ARHGAP28: variants seen among roughly 807,000 people sequenced by gnomAD.
The protein encoded by ARHGAP28 is rho GTPase-activating protein 28.
Under a neutral mutation model 90.7 loss-of-function variants are expected in ARHGAP28, and 56 were observed. The ratio of observed to expected loss-of-function variants is 0.62; its 90% CI spans 0.50 to 0.77. The LOEUF (loss-of-function observed/expected upper bound fraction) is 0.77. Among genes scored for constraint, ARHGAP28 ranks in the 30% least tolerant of loss-of-function variants. ARHGAP28 has a pLI of 0.00. For synonymous variants in ARHGAP28, 308 were observed against 323.3 expected (o/e 0.95, Z 0.51); for missense variants, 869 against 900.9 (o/e 0.96, Z 0.45).
At chr18:6,779,166 A>G (rs2143466325) in intron 1 of ARHGAP28, 1 of 152,324 alleles carries the variant, frequency 6.6e-6, no homozygotes. Flanking sequence ...TTCATAGGCC[A>G]TTATACATAT....
chr18:6,880,565 T>C (rs2057169676), intron 10 of ARHGAP28, among the ~76,000 whole-genome samples: 1 of 152,232 alleles, frequency 6.6e-6, no homozygotes, highest in Non-Finnish European at 1.5e-5. Context: ...GCTAGTCCCC[T>C]TAGCACTGGC....
chr18:6,873,431 G>T lies in ARHGAP28; in HGVS notation c.977G>T (p.Arg326Ile), dbSNP rs1441860859. The stretch of plus-strand genomic sequence containing the variant: ...TAGAAATTTAATGTTCAGAAAACCA[G>T]ATTTGGCTTAACTGAAGCAGGAGAT... ...VLTKFNVQKT[R>I]FGLTEAGDLS... The change falls in exon 8 of 18, where the codon AGA becomes ATA. Residue 326 changes from arginine to isoleucine, a missense_variant. Coordinates refer to ENST00000383472, the MANE Select transcript of ARHGAP28 (RefSeq NM_001366230.1). The T allele has an allele frequency of 6.2e-7, 1 of 1,607,970 alleles. No homozygotes were observed.
intron 3 of ARHGAP28, among the ~76,000 whole-genome samples, chr18:6,841,202 T>TCTCTCTCC (rs1567966823): frequency 2.1e-5 from 1 of 47,370 alleles, no homozygotes; most frequent in African/African-American, 1.1e-4. Flanking sequence ...TCTCTCTCTC[T>TCTCTCTCC]CCTCTCCTCT....
intron 1 of ARHGAP28, among the ~76,000 whole-genome samples, chr18:6,760,191 C>T (rs1212170783): frequency 6.6e-6 from 1 of 152,120 alleles, no homozygotes; most frequent in Non-Finnish European, 1.5e-5. Flanking sequence ...AAACATTGGG[C>T]CACTTTAAAA....
intron 1 of ARHGAP28, among the ~76,000 whole-genome samples, chr18:6,805,472 C>A (rs997348900): frequency 1.4e-5 from 2 of 142,740 alleles, no homozygotes; most frequent in Non-Finnish European, 3.1e-5. Flanking sequence ...GGTCTGATAA[C>A]CTTTGCCTTT....
chr18:6,896,249 T>C (rs973480521), intron 15 of ARHGAP28, among the ~76,000 whole-genome samples: 1 of 152,202 alleles, frequency 6.6e-6, no homozygotes, highest in African/African-American at 2.4e-5. Context: ...AACCCAGTTT[T>C]TCCCCCTTAA....
intron 1 of ARHGAP28, among the ~76,000 whole-genome samples, chr18:6,766,499 T>C (rs2056200879): frequency 6.6e-6 from 1 of 152,172 alleles, no homozygotes; most frequent in Admixed American, 6.5e-5. Flanking sequence ...GTAGTGGCTC[T>C]GCTCTCCCCA....
At chr18:6,733,723 C>G (rs1047026787) in intron 1 of ARHGAP28, among the ~76,000 whole-genome samples, 1 of 152,156 alleles carries the variant, frequency 6.6e-6, no homozygotes, top group Admixed American at 6.5e-5. Flanking sequence ...GGCATACAAA[C>G]TTTTAAGTAG....
At chr18:6,775,893 C>T (rs1337750748) in intron 1 of ARHGAP28, among the ~76,000 whole-genome samples, 1 of 152,022 alleles carries the variant, frequency 6.6e-6, no homozygotes, top group Non-Finnish European at 1.5e-5. Context: ...ATCAGCTGCA[C>T]TAATTAAAGA....
chr18:6,809,618 G>A (rs2056542337), intron 1 of ARHGAP28, among the ~76,000 whole-genome samples: 1 of 152,106 alleles, frequency 6.6e-6, no homozygotes, highest in Admixed American at 6.6e-5. Flanking sequence ...AGCAAAGGGG[G>A]AGGTGCTACA....
At chr18:6,738,185 G>T in intron 1 of ARHGAP28, among the ~76,000 whole-genome samples, 1 of 152,194 alleles carries the variant, frequency 6.6e-6, no homozygotes, top group Non-Finnish European at 1.5e-5. Context: ...ATTTATTTGT[G>T]CTATTTTAGC....
intron 1 of ARHGAP28, among the ~76,000 whole-genome samples, chr18:6,815,358 G>A (rs1015210068): frequency 6.6e-6 from 1 of 151,972 alleles, no homozygotes; most frequent in Non-Finnish European, 1.5e-5. Context: ...ATGCCCCTTT[G>A]GGAAAATTTT....
At chr18:6,891,138 T>C (rs1006084549) in intron 14 of ARHGAP28, among the ~76,000 whole-genome samples, 4 of 152,140 alleles carry the variant, frequency 2.6e-5, no homozygotes, top group African/African-American at 9.7e-5. Flanking sequence ...ATACTTGAAA[T>C]TTACTTTGCC....
chr18:6,799,030 G>C (rs1473384568), intron 1 of ARHGAP28, among the ~76,000 whole-genome samples: 1 of 152,154 alleles, frequency 6.6e-6, no homozygotes, highest in Non-Finnish European at 1.5e-5. Flanking sequence ...TGAACTACAA[G>C]ATGATAAGTG....
In ARHGAP28 at chr18:6,915,201, T is replaced by C. The variant is rs1235695531; in HGVS notation, c.*3047T>C. The C allele has an allele frequency of 6.6e-6, 1 of 152,254 alleles. No individual in the cohort carries two copies. The highest frequency in any genetic ancestry group is 1.5e-5 in the Non-Finnish European group (1 of 68,042). The allele number at this position is 152,254 out of a possible 1,614,324, so 9.4% of individuals were successfully genotyped here. A position where few individuals can be genotyped will look rare whatever the true frequency, so the allele number is the denominator to read the frequency against. On this transcript the variant is annotated 3_prime_UTR_variant, in exon 18 of 18. Transcript: ENST00000383472. ...GCTCATTGTCTTGAGTTTCTAACCA[T>C]GTGCAGATGCAAGCGTTCAGGAGTA... is the stretch of plus-strand genomic sequence containing the variant.
At chr18:6,825,019 C>A in intron 2 of ARHGAP28, 55 bp downstream of exon 2, 1 of 1,412,826 alleles carries the variant, frequency 7.1e-7, no homozygotes, top group Non-Finnish European at 9.4e-7. Context: ...TCTCTGCCCT[C>A]TGTTACTCTG....
At chr18:6,844,245 T>C (rs2056848895) in intron 3 of ARHGAP28, among the ~76,000 whole-genome samples, 3 of 152,230 alleles carry the variant, frequency 2.0e-5, no homozygotes, top group Admixed American at 6.5e-5. Context: ...AATAATGTGT[T>C]ATACAAATAT....
At chr18:6,849,304 A>G (rs550122464) in intron 3 of ARHGAP28, among the ~76,000 whole-genome samples, 2 of 151,700 alleles carry the variant, frequency 1.3e-5, no homozygotes, top group East Asian at 1.9e-4. Flanking sequence ...GGTGCCAAAC[A>G]CATGAAGAAA....
At chr18:6,765,938 A>T (rs1244961691) in intron 1 of ARHGAP28, among the ~76,000 whole-genome samples, 2 of 152,248 alleles carry the variant, frequency 1.3e-5, no homozygotes, top group Non-Finnish European at 2.9e-5. Flanking sequence ...TATTAAAAAA[A>T]TCAATTTCTA....
Sources: allele counts gnomAD v4.1 joint callset (sites outside exome capture counted in the v4.1 genomes callset), GRCh38; gene constraint gnomAD v4.1.1; transcripts MANE v1.5; gene names NCBI Gene and HGNC (gene_info 2026-07-23, HGNC 2026-07-21).